Variants in KIAA1549L observed in about 807,000 individuals in gnomAD.
The protein encoded by KIAA1549L is KIAA1549 like.
Under a neutral mutation model 160.7 loss-of-function variants are expected in KIAA1549L, and 88 were observed. The observed-to-expected ratio is 0.55, with a 90% CI of 0.46 to 0.65. The LOEUF is 0.65. Among genes scored for constraint, KIAA1549L ranks in the 30% least tolerant of loss-of-function variants. The probability of loss-of-function intolerance (pLI) is 0.00; values close to 1 mark genes in which losing one functional copy is unlikely to be tolerated. For synonymous variants in KIAA1549L, 950 were observed against 976.7 expected, an observed-to-expected ratio of 0.97 and a Z score of 0.51; for missense variants, 2,258 against 2,437.5, an observed-to-expected ratio of 0.93 and a Z score of 1.55.
intron 1 of KIAA1549L, among the ~76,000 whole-genome samples, chr11:33,470,986 T>A (rs1191335009): frequency 6.6e-6 from 1 of 152,074 alleles, no homozygotes; most frequent in South Asian, 2.1e-4. Flanking sequence ...TTTCCATAAG[T>A]TTCTTGCATT....
chr11:33,608,182 T>C (rs1273482299), intron 14 of KIAA1549L, among the ~76,000 whole-genome samples: 1 of 152,238 alleles, frequency 6.6e-6, no homozygotes, highest in Non-Finnish European at 1.5e-5. Context: ...AGCATGTTAG[T>C]TCATTTCTCT....
chr11:33,551,709 T>C (rs998089253), intron 5 of KIAA1549L, among the ~76,000 whole-genome samples: 2 of 152,166 alleles, frequency 1.3e-5, no homozygotes, highest in Non-Finnish European at 2.9e-5. Flanking sequence ...GTTTGTAACC[T>C]ACAAGAGTGG....
chr11:33,478,818 C>T (rs1852348175), intron 1 of KIAA1549L, among the ~76,000 whole-genome samples: 1 of 152,176 alleles, frequency 6.6e-6, no homozygotes, highest in African/African-American at 2.4e-5. Context: ...CTCACTGCAA[C>T]CTCTGCCTTT....
chr11:33,409,106 C>CA (rs1238678022), intron 1 of KIAA1549L, among the ~76,000 whole-genome samples: 2 of 152,132 alleles, frequency 1.3e-5, no homozygotes, highest in African/African-American at 4.8e-5. Context: ...GGACAGGTAT[C>CA]ATAGCATCTG....
At chr11:33,420,966 A>C (rs1850998822) in intron 1 of KIAA1549L, among the ~76,000 whole-genome samples, 3 of 152,174 alleles carry the variant, frequency 2.0e-5, no homozygotes, top group Non-Finnish European at 4.4e-5. Flanking sequence ...TCCGGCCCTG[A>C]GGAATGCCTA....
intron 16 of KIAA1549L, among the ~76,000 whole-genome samples, chr11:33,625,568 T>G (rs1448340645): frequency 6.6e-6 from 1 of 152,200 alleles, no homozygotes; most frequent in Admixed American, 6.5e-5. Flanking sequence ...TTTTGAAAAG[T>G]GTCTGTTCAT....
At chr11:33,556,111 C>A (rs1854638891) in intron 6 of KIAA1549L, among the ~76,000 whole-genome samples, 1 of 152,076 alleles carries the variant, frequency 6.6e-6, no homozygotes, top group African/African-American at 2.4e-5. Context: ...CCATGAGATA[C>A]CTATTCACAT....
At chr11:33,550,735 C>G (rs961146028) in intron 4 of KIAA1549L, among the ~76,000 whole-genome samples, 3 of 152,142 alleles carry the variant, frequency 2.0e-5, no homozygotes, top group Non-Finnish European at 2.9e-5. Context: ...CTACTCTCTC[C>G]TCCCTACCTT....
chr11:33,619,727 T>C (rs920079510), intron 16 of KIAA1549L, among the ~76,000 whole-genome samples: 5 of 152,248 alleles, frequency 3.3e-5, no homozygotes, highest in African/African-American at 1.2e-4. Flanking sequence ...ATAAAACAGT[T>C]TGGTAGTTTA....
chr11:33,517,570 A>G (rs1412683892), intron 1 of KIAA1549L, among the ~76,000 whole-genome samples: 1 of 152,236 alleles, frequency 6.6e-6, no homozygotes, highest in Non-Finnish European at 1.5e-5. Flanking sequence ...AGTTGGGTTC[A>G]TATAGACTGA....
intron 1 of KIAA1549L, among the ~76,000 whole-genome samples, chr11:33,425,899 GAGAAA>G (rs1452110544): frequency 2.0e-5 from 3 of 152,154 alleles, no homozygotes; most frequent in African/African-American, 7.2e-5. Flanking sequence ...GTCTAAGCAC[GAGAAA>G]ACACCAGACA....
intron 6 of KIAA1549L, among the ~76,000 whole-genome samples, chr11:33,554,186 T>G (rs752643698): frequency 1.3e-5 from 2 of 152,318 alleles, no homozygotes; most frequent in Non-Finnish European, 2.9e-5. Context: ...TTTTTGTAAT[T>G]AATAACTTTT....
chr11:33,407,321 T>C (rs1162869544), intron 1 of KIAA1549L, among the ~76,000 whole-genome samples: 1 of 151,694 alleles, frequency 6.6e-6, no homozygotes, highest in Admixed American at 6.6e-5. Flanking sequence ...CCTGACCTCG[T>C]GATCCGCCCG....
intron 1 of KIAA1549L, among the ~76,000 whole-genome samples, chr11:33,385,584 G>A (rs955300165): frequency 3.3e-5 from 5 of 152,170 alleles, no homozygotes; most frequent in African/African-American, 1.2e-4. Context: ...GATAGTGTGA[G>A]TATTCTTTAT....
In KIAA1549L at chr11:33,547,843, G is replaced by A. The variant is rs1055133570; in HGVS notation, c.3465G>A (p.Leu1155=). 1 of 1,613,480 alleles carries A rather than the reference G, an allele frequency of 6.2e-7. No homozygotes were observed. Among genetic ancestry groups the A allele is most frequent in the Non-Finnish European group, 8.5e-7 (1 of 1,179,602 alleles). ...TCGCCAAAGGGCTCACACAGGCATTGCGGAAGGCTTTCCACCAGAACGATG... is the reference window on the plus strand; with the variant it reads ...TCGCCAAAGGGCTCACACAGGCATTACGGAAGGCTTTCCACCAGAACGATG... ...FSIAKGLTQA[L]RKAFHQNDVS... Residue 1155 remains leucine (L), a synonymous_variant, in exon 4 of 21, where the codon TTG becomes TTA. Coordinates refer to ENST00000658780, the MANE Select transcript of KIAA1549L (RefSeq NM_012194.3).
intron 9 of KIAA1549L, 24 bp from the exon 10 acceptor site, chr11:33,574,678 A>G (rs1345957512): frequency 6.2e-7 from 1 of 1,600,250 alleles, no homozygotes; most frequent in Non-Finnish European, 8.5e-7. Flanking sequence ...CCCTGCAAAC[A>G]CTCGGCCTCT....
At chr11:33,602,588 A>G (rs1371303710) in intron 13 of KIAA1549L, among the ~76,000 whole-genome samples, 1 of 152,240 alleles carries the variant, frequency 6.6e-6, no homozygotes, top group Non-Finnish European at 1.5e-5. Context: ...AATTAAAAAC[A>G]ACAGTAAAAA....
chr11:33,539,677 G>A (rs1029486731), intron 1 of KIAA1549L, among the ~76,000 whole-genome samples: 2 of 152,126 alleles, frequency 1.3e-5, no homozygotes, highest in African/African-American at 4.8e-5. Flanking sequence ...GTTTTGCTAT[G>A]GAGAAAGAAA....
Position 33,574,723 on chromosome 11 carries a change from C to A in KIAA1549L, c.4252C>A (p.Pro1418Thr). ...TVQMVKMQRV[P>T]GPKDPAELTY... ...AAAGATGGTGAAGATGCAGCGTGTC[C>A]CAGGCCCGAAGGACCCAGCGGAGCT... The change falls in exon 10 of 21, where the codon CCA (proline) becomes ACA (threonine). Residue 1418 changes from proline (P) to threonine (T), a missense_variant. By Grantham distance (38) the Pro-to-Thr change is conservative. Around this residue, in one of 6 missense-constraint regions of KIAA1549L, gnomAD observed 1,359 missense variants for 1,546.6 expected, o/e 0.88. Coordinates refer to ENST00000658780, the MANE Select transcript of KIAA1549L (RefSeq NM_012194.3). 1 of 1,612,144 alleles carries A rather than the reference C, an allele frequency of 6.2e-7. No individual in the cohort carries two copies. Among genetic ancestry groups the A allele is most frequent in the Non-Finnish European group, 8.5e-7 (1 of 1,178,886 alleles).
Sources: allele counts gnomAD v4.1 joint callset (sites outside exome capture counted in the v4.1 genomes callset), GRCh38; gene constraint gnomAD v4.1.1; regional missense constraint gnomAD v4.1.1; transcripts MANE v1.5; gene names NCBI Gene and HGNC (gene_info 2026-07-23, HGNC 2026-07-21).